The following CR2 variants were observed in gnomAD, a reference collection of about 807,000 sequenced individuals.
CR2 encodes the protein complement C3d receptor 2.
CR2 carries 96 observed loss-of-function variants against 123.0 expected under a neutral mutation model. That is an observed-to-expected ratio of 0.78 (90% confidence interval 0.66 to 0.93). CR2 has a LOEUF of 0.93. CR2 is among the 40% of genes least tolerant of loss of function. The pLI is 0.00. For missense variants in CR2, 1,258 were observed against 1,361.0 expected, an observed-to-expected ratio of 0.92 and a Z score of 1.19; for synonymous variants, 484 against 469.5, an observed-to-expected ratio of 1.03 and a Z score of -0.40.
intron 9 of CR2, chr1:207,471,729 T>C (rs747284606): frequency 3.9e-5 from 18 of 466,048 alleles, no homozygotes; most frequent in Non-Finnish European, 6.4e-5. Context: ...TTTACGATTA[T>C]GGGAATAATG....
chr1:207,478,564 A>T (rs954454915), intron 16 of CR2, among the ~76,000 whole-genome samples: 1 of 150,650 alleles, frequency 6.6e-6, no homozygotes, highest in Non-Finnish European at 1.5e-5. Flanking sequence ...AAGAAATTAA[A>T]TAAAATAAAA....
chr1:207,454,558 C>T lies in CR2; in HGVS notation c.58+82C>T. On this transcript the variant is annotated intron_variant, in intron 1 of 19. Transcript: ENST00000367057. The surrounding 1 kb of genome is among the most constrained non-coding windows in gnomAD (Gnocchi z 4.3). Reference sequence around the variant, plus strand: ...TGTGCCGCGATGCAAAGCAGGGGGCCAAAAGCGAGACGGTGGGGGCAGTGC... The same window carrying T: ...TGTGCCGCGATGCAAAGCAGGGGGCTAAAAGCGAGACGGTGGGGGCAGTGC... The T allele has an allele frequency of 4.4e-6, 5 of 1,125,362 alleles. No homozygotes were observed. The highest frequency in any genetic ancestry group is 6.2e-6 in the Non-Finnish European group (5 of 806,374). 69.7% of individuals were successfully genotyped at this position (1,125,362 alleles called of 1,614,324 possible).
intron 1 of CR2, among the ~76,000 whole-genome samples, chr1:207,458,497 C>T (rs1657893531): frequency 6.6e-6 from 1 of 152,154 alleles, no homozygotes. Context: ...CTGACTTGAT[C>T]GTGGACCATT....
intron 16 of CR2, among the ~76,000 whole-genome samples, chr1:207,478,831 A>T (rs17045328): frequency 3.9e-5 from 6 of 152,192 alleles, no homozygotes; most frequent in African/African-American, 1.4e-4. Flanking sequence ...ATCTCTGATT[A>T]TAAAGTTGAG....
At chr1:207,486,608 T>C (rs1461618084) in intron 19 of CR2, among the ~76,000 whole-genome samples, 3 of 152,128 alleles carry the variant, frequency 2.0e-5, no homozygotes, top group Non-Finnish European at 4.4e-5. Flanking sequence ...GGGTGGAAGA[T>C]GGGAGTCAAT....
In CR2 at chr1:207,474,891, T is replaced by C. The variant is rs1658390326; in HGVS notation, c.2391T>C (p.Phe797=). ...GKHTGMMAEN[F]LYGNEVSYEC... ...ACACAGGCATGATGGCAGAAAACTTTCTATATGGAAATGAAGTCTCTTATG... is the reference window on the plus strand; with the variant it reads ...ACACAGGCATGATGGCAGAAAACTTCCTATATGGAAATGAAGTCTCTTATG... Residue 797 remains phenylalanine, a synonymous_variant, in exon 14 of 20, where the codon TTT becomes TTC. Transcript: ENST00000367057. 6.2e-7 allele frequency: 1 copy of C among 1,614,044 alleles called. No homozygotes were observed. Among genetic ancestry groups the C allele is most frequent in the Non-Finnish European group, 8.5e-7 (1 of 1,179,950 alleles).
At position 207,461,831 on chromosome 1, in the gene CR2, C is replaced by T. The variant is rs184304137; in HGVS notation, c.59-4695C>T. ...GTAATAGAGGCATATTTGGGTCTGT[C>T]GCTGTATCTGGATGAGATAACATGT... is the stretch of plus-strand genomic sequence containing the variant. On this transcript the variant is annotated intron_variant, in intron 1 of 19. Transcript: ENST00000367057. Among the ~76,000 whole-genome samples, 296 of 152,152 alleles carry T rather than the reference C, an allele frequency of 1.9e-3. 5 individuals are homozygous for T. The highest frequency in any genetic ancestry group is 3.9e-3 in the East Asian group (20 of 5,188).
chr1:207,458,208 A>T (rs1039325784), intron 1 of CR2, among the ~76,000 whole-genome samples: 4 of 152,068 alleles, frequency 2.6e-5, no homozygotes, highest in Admixed American at 2.6e-4. Flanking sequence ...CCCCACATGT[A>T]AAACAACAAA....
rs557646836 is a variant in CR2 at position 207,488,252 on chromosome 1, G to T, written c.*19-890G>T. ...AATATCCAAGAAAACCTTGGGCAAG[G>T]TCTCAGGGTCAATCATTGGCAAAGG... On this transcript the variant is annotated intron_variant, in intron 19 of 19. Transcript: ENST00000367057. Among the ~76,000 whole-genome samples the T allele has an allele frequency of 2.0e-5, 3 of 152,298 alleles. No homozygotes were observed. In the South Asian group the frequency reaches 6.2e-4, roughly 32 times the overall value.
At chr1:207,478,147 G>GGGAA (rs1462792972) in intron 16 of CR2, 77 bp downstream of exon 16, 8 of 1,456,724 alleles carry the variant, frequency 5.5e-6, no homozygotes, top group Admixed American at 3.8e-5. Flanking sequence ...TCAGCGTGGA[G>GGGAA]AGTCCTGGGT....
chr1:207,463,634 C>T (rs565585251), intron 1 of CR2, among the ~76,000 whole-genome samples: 1 of 152,180 alleles, frequency 6.6e-6, no homozygotes, highest in African/African-American at 2.4e-5. Context: ...GAGATGATCA[C>T]TCTTTATTTT....
In CR2 at chr1:207,468,510, G is replaced by C; in HGVS notation, c.446-17G>C. 1.2e-6 allele frequency: 2 copies of C among 1,613,052 alleles called. No individual in the cohort carries two copies. The highest frequency in any genetic ancestry group is 1.7e-6 in the Non-Finnish European group (2 of 1,179,462). ...CATCATCTGACGGCTTTTTTTTCCT[G>C]GTATGTGTGTGTAAAGTTTTCCCTC... is the stretch of plus-strand genomic sequence containing the variant. On this transcript the variant is annotated splice_polypyrimidine_tract_variant and intron_variant, in intron 2 of 19. Coordinates refer to ENST00000367057, the MANE Select transcript of CR2 (RefSeq NM_001006658.3).
Position 207,473,682 on chromosome 1 carries a change from C to T in CR2, c.2116C>T (p.Pro706Ser). The T allele has an allele frequency of 5.6e-6, 9 of 1,614,002 alleles. No homozygotes were observed. The highest frequency in any genetic ancestry group is 7.6e-6 in the Non-Finnish European group (9 of 1,179,896). The change falls in exon 11 of 20, where the codon CCT becomes TCT. Residue 706 changes from proline to serine, a missense_variant. Physicochemically the swap from Pro to Ser is moderately conservative, Grantham distance 74. Coordinates refer to ENST00000367057, the MANE Select transcript of CR2 (RefSeq NM_001006658.3). Reference sequence around the variant, plus strand: ...GGGAAACAAATCCATTCACTGTATGCCTTCAGGAAATTGGAGTCCTTCTGC... The same window carrying T: ...GGGAAACAAATCCATTCACTGTATGTCTTCAGGAAATTGGAGTCCTTCTGC... ...LVGNKSIHCM[P>S]SGNWSPSAPR... is the part of the protein sequence containing the mutation.
Position 207,470,854 on chromosome 1 carries a change from G to C in CR2, c.1340G>C (p.Gly447Ala). 3 of 1,613,890 alleles carry C rather than the reference G, an allele frequency of 1.9e-6. 1 individual carries two copies. The highest frequency in any genetic ancestry group is 2.5e-6 in the Non-Finnish European group (3 of 1,179,890). The change falls in exon 7 of 20, where the codon GGA (glycine) becomes GCA (alanine). Residue 447 changes from glycine to alanine, a missense_variant. By Grantham distance (60) the Gly-to-Ala change is moderately conservative. Coordinates refer to ENST00000367057, the MANE Select transcript of CR2 (RefSeq NM_001006658.3). ...TGTAACCCTGGCTATGTGCTGGTGG[G>C]AGAAGAATCCATACAGTGTACCTCT... Reference protein sequence around the residue: ...YSCNPGYVLVGEESIQCTSEG... With the variant: ...YSCNPGYVLVAEESIQCTSEG...
intron 13 of CR2, 95 bp downstream of exon 13, chr1:207,474,418 A>T: frequency 1.1e-6 from 1 of 925,696 alleles, no homozygotes; most frequent in Non-Finnish European, 1.8e-6. Flanking sequence ...CAGCAGTCTT[A>T]GGCGTCTCCC....
chr1:207,468,766 G>A (rs1287255191), intron 3 of CR2, 34 bp from the exon 4 acceptor site: 1 of 1,613,720 alleles, frequency 6.2e-7, no homozygotes. Flanking sequence ...TCTGTTATTT[G>A]CCATGCATTT....
At chr1:207,455,421 A>G (rs1254746516) in intron 1 of CR2, among the ~76,000 whole-genome samples, 2 of 152,234 alleles carry the variant, frequency 1.3e-5, no homozygotes, top group African/African-American at 4.8e-5. Flanking sequence ...AACTAAGCAA[A>G]GAAAGTTGGA....
rs372214909 is a variant in CR2, at chr1:207,477,882, C to A, written c.2903-3C>A. The A allele has an allele frequency of 2.0e-4, 318 of 1,613,582 alleles. No individual in the cohort carries two copies. The African/African-American group carries it at 3.4e-3, about 17-fold the overall frequency. The stretch of plus-strand genomic sequence containing the variant: ...TGCTTGAATTAGATTTCTTTAATTT[C>A]AGAGGTAAACTGTAGCTCACCAGCA... On this transcript the variant is annotated splice_region_variant and splice_polypyrimidine_tract_variant and intron_variant, in intron 15 of 19. Transcript: ENST00000367057.
chr1:207,475,675 T>TGGTAGATA (rs1162748590), intron 14 of CR2, among the ~76,000 whole-genome samples: 20 of 152,234 alleles, frequency 1.3e-4, no homozygotes, highest in Non-Finnish European at 2.6e-4. Context: ...GCCTTATTCC[T>TGGTAGATA]GTCCATGACT....
Sources: allele counts gnomAD v4.1 joint callset (sites outside exome capture counted in the v4.1 genomes callset), GRCh38; gene constraint gnomAD v4.1.1; non-coding constraint Gnocchi (gnomAD v3.1); transcripts MANE v1.5; gene names NCBI Gene and HGNC (gene_info 2026-07-23, HGNC 2026-07-21).